ALK: variants seen among roughly 807,000 people sequenced by gnomAD.
The protein encoded by ALK is ALK receptor tyrosine kinase, also known as ALK tyrosine kinase receptor.
A neutral mutation model predicts 163.1 loss-of-function variants in ALK; 74 were observed. The ratio of observed to expected loss-of-function variants is 0.45; its 90% CI spans 0.38 to 0.55. The LOEUF is 0.55. Among genes scored for constraint, ALK ranks in the 20% least tolerant of loss-of-function variants. The probability of loss-of-function intolerance (pLI) is 0.00; values close to 1 mark genes in which losing one functional copy is unlikely to be tolerated. For missense variants in ALK, 2,063 were observed against 2,105.3 expected (o/e 0.98, Z 0.39); for synonymous variants, 960 against 843.2 (o/e 1.14, Z -2.40).
intron 1 of ALK, among the ~76,000 whole-genome samples, chr2:29,831,244 AGAGGAAGAGGAAGAG>A (rs1183797559): frequency 2.3e-4 from 16 of 68,490 alleles, no homozygotes; most frequent in African/African-American, 9.2e-4. Context: ...AGGAAGAAGA[AGAGGAAGAGGAAGAG>A]GAAGAAGAAG....
At chr2:29,683,643 G>T (rs1678149052) in intron 3 of ALK, among the ~76,000 whole-genome samples, 1 of 152,156 alleles carries the variant, frequency 6.6e-6, no homozygotes, top group Non-Finnish European at 1.5e-5. Flanking sequence ...TACTGCCTCA[G>T]GTGAGGGCTC....
chr2:29,854,943 C>A (rs1017795219), intron 1 of ALK, among the ~76,000 whole-genome samples: 5 of 152,088 alleles, frequency 3.3e-5, no homozygotes, highest in African/African-American at 1.2e-4. Flanking sequence ...AACATGAGAT[C>A]TACCCTCTCT....
At chr2:29,789,167 G>T (rs1311658900) in intron 1 of ALK, among the ~76,000 whole-genome samples, 2 of 151,958 alleles carry the variant, frequency 1.3e-5, no homozygotes, top group African/African-American at 4.8e-5. Flanking sequence ...ACCTCCTATG[G>T]GCACTGTGAT....
At chr2:29,823,739 TA>T (rs1665115945) in intron 1 of ALK, among the ~76,000 whole-genome samples, 1 of 152,226 alleles carries the variant, frequency 6.6e-6, no homozygotes, top group African/African-American at 2.4e-5. Context: ...CTGGTGCTGT[TA>T]AAAACCATTC....
chr2:29,346,274 G>T (rs1407574720), intron 5 of ALK, among the ~76,000 whole-genome samples: 2 of 152,162 alleles, frequency 1.3e-5, no homozygotes, highest in African/African-American at 2.4e-5. Context: ...GCAGGGTGAG[G>T]ATTGCGTCTA....
intron 3 of ALK, among the ~76,000 whole-genome samples, chr2:29,608,229 C>T (rs1272677200): frequency 1.3e-5 from 2 of 152,162 alleles, no homozygotes; most frequent in Non-Finnish European, 2.9e-5. Flanking sequence ...CACCTATTAC[C>T]ATTTGATATA....
chr2:29,215,489 G>A (rs1208426408), intron 23 of ALK, among the ~76,000 whole-genome samples: 2 of 152,168 alleles, frequency 1.3e-5, no homozygotes, highest in African/African-American at 2.4e-5. Flanking sequence ...TGTGTGGTAG[G>A]TAGGGAAGAG....
rs1307308621 is a variant in ALK, at chr2:29,921,572, C to T, written c.-913G>A. The stretch of plus-strand genomic sequence containing the variant: ...CTACCACCGCTGCCGCCCCCAGAGC[C>T]GCTGGATCGCATCTGCCTGGGCGCC... On this transcript the variant is annotated 5_prime_UTR_variant, in exon 1 of 29. Transcript: ENST00000389048. 4.3e-6 allele frequency: 1 copy of T among 230,978 alleles called. No individual in the cohort carries two copies. Among genetic ancestry groups the T allele is most frequent in the African/African-American group, 2.2e-5 (1 of 45,322 alleles). 14.3% of individuals were successfully genotyped at this position (230,978 alleles called of 1,614,324 possible).
At chr2:29,216,568 C>A (rs1363614212) in intron 23 of ALK, among the ~76,000 whole-genome samples, 3 of 151,430 alleles carry the variant, frequency 2.0e-5, no homozygotes, top group African/African-American at 7.4e-5. Flanking sequence ...GTGCACAGGG[C>A]AGACAGTCAG....
At chr2:29,892,004 C>G (rs1667160236) in intron 1 of ALK, among the ~76,000 whole-genome samples, 1 of 152,242 alleles carries the variant, frequency 6.6e-6, no homozygotes, top group Admixed American at 6.5e-5. Flanking sequence ...TTTCTATGTA[C>G]AACCATGGTC....
chr2:29,694,053 C>A (rs948691817), intron 3 of ALK, among the ~76,000 whole-genome samples: 14 of 152,158 alleles, frequency 9.2e-5, no homozygotes, highest in African/African-American at 3.4e-4. Flanking sequence ...GCTTTCAATT[C>A]TGAGTTAGTA....
intron 4 of ALK, among the ~76,000 whole-genome samples, chr2:29,468,401 C>T (rs1194482568): frequency 6.6e-6 from 1 of 152,120 alleles, no homozygotes; most frequent in South Asian, 2.1e-4. Context: ...ATGCTGAGCA[C>T]TTGGGAGATT....
At chr2:29,657,980 T>A (rs1677236651) in intron 3 of ALK, among the ~76,000 whole-genome samples, 1 of 152,204 alleles carries the variant, frequency 6.6e-6, no homozygotes, top group African/African-American at 2.4e-5. Context: ...CTCACTCAAC[T>A]GAACAGCTGG....
intron 3 of ALK, among the ~76,000 whole-genome samples, chr2:29,634,239 T>G: frequency 6.6e-6 from 1 of 152,038 alleles, no homozygotes. Flanking sequence ...CTAGGATTAG[T>G]GACACACTGC....
intron 1 of ALK, among the ~76,000 whole-genome samples, chr2:29,755,198 G>A (rs777354457): frequency 6.6e-6 from 1 of 152,214 alleles, no homozygotes; most frequent in African/African-American, 2.4e-5. Context: ...ACTGCAGCCA[G>A]GGGACCAGCC....
chr2:29,474,698 CTG>C (rs1241620294), intron 4 of ALK, among the ~76,000 whole-genome samples: 4 of 152,140 alleles, frequency 2.6e-5, no homozygotes, highest in African/African-American at 9.7e-5. Context: ...CAGGAATATG[CTG>C]TGTTTCACAA....
At chr2:29,607,428 A>C (rs1216041419) in intron 3 of ALK, among the ~76,000 whole-genome samples, 1 of 152,192 alleles carries the variant, frequency 6.6e-6, no homozygotes, top group Non-Finnish European at 1.5e-5. Context: ...CATTTGCAAT[A>C]GAACTCCTCT....
At chr2:29,403,936 C>T (rs72792447) in intron 4 of ALK, among the ~76,000 whole-genome samples, 34,968 of 151,660 alleles carry the variant, frequency 0.23, 4,359 homozygotes, top group Non-Finnish European at 0.28. Context: ...TTTATTGACT[C>T]CTGAAGTAAA....
intron 1 of ALK, among the ~76,000 whole-genome samples, chr2:29,871,479 G>T (rs1210042814): frequency 6.6e-6 from 1 of 152,126 alleles, no homozygotes; most frequent in Admixed American, 6.5e-5. Flanking sequence ...TTAGCAGTGG[G>T]GAGCTTAGGG....
Sources: gnomAD v4.1 joint callset for allele counts (sites outside exome capture counted in the v4.1 genomes callset) on GRCh38, gnomAD v4.1.1 for gene constraint, MANE v1.5 for transcripts, NCBI Gene and HGNC (gene_info 2026-07-23, HGNC 2026-07-21) for gene names.